Variants in UST observed in about 807,000 individuals in gnomAD.
UST encodes the protein chondroitin sulfate 2-O-sulfotransferase.
Under a neutral mutation model 45.6 loss-of-function variants are expected in UST, and 21 were observed. That is an observed-to-expected ratio of 0.46 (90% confidence interval 0.33 to 0.66). The LOEUF is 0.66. Ranked by LOEUF, UST falls within the 30% of genes least tolerant of loss-of-function variation. The pLI, the probability that UST is intolerant of heterozygous loss-of-function variation, is 0.02. For missense variants in UST, 463 were observed against 512.4 expected (o/e 0.90, Z 0.93); for synonymous variants, 215 against 200.6 (o/e 1.07, Z -0.61).
chr6:148,994,930 T>G (rs941912125), intron 5 of UST, among the ~76,000 whole-genome samples: 4 of 152,202 alleles, frequency 2.6e-5, no homozygotes, highest in African/African-American at 9.7e-5. Context: ...ACCCCTTACC[T>G]CTGCAGAATG....
intron 5 of UST, among the ~76,000 whole-genome samples, chr6:148,994,170 C>T (rs1781406205): frequency 6.6e-6 from 1 of 151,836 alleles, no homozygotes; most frequent in Non-Finnish European, 1.5e-5. Context: ...CAAGGTTTTG[C>T]CATGTTGGCC....
chr6:148,842,889 A>G (rs1225692754), intron 1 of UST, among the ~76,000 whole-genome samples: 1 of 152,174 alleles, frequency 6.6e-6, no homozygotes, highest in Non-Finnish European at 1.5e-5. Context: ...CGCGGTGATG[A>G]CATACTCTGT....
chr6:148,788,962 A>G (rs939406635), intron 1 of UST, among the ~76,000 whole-genome samples: 1 of 152,164 alleles, frequency 6.6e-6, no homozygotes, highest in Non-Finnish European at 1.5e-5. Context: ...TGTGGTATTT[A>G]TGTTGTAAAT....
intron 5 of UST, among the ~76,000 whole-genome samples, chr6:149,014,368 G>T (rs1204192283): frequency 6.6e-6 from 1 of 152,242 alleles, no homozygotes; most frequent in Non-Finnish European, 1.5e-5. Context: ...CACTCCCAAT[G>T]TTGGGAGCAG....
chr6:148,780,231 G>A (rs891251565), intron 1 of UST, among the ~76,000 whole-genome samples: 4 of 151,932 alleles, frequency 2.6e-5, no homozygotes, highest in South Asian at 2.1e-4. Context: ...TGGAAGATTC[G>A]TGGCAAACTG....
At chr6:148,884,834 A>G (rs1199357851) in intron 1 of UST, among the ~76,000 whole-genome samples, 3 of 152,318 alleles carry the variant, frequency 2.0e-5, no homozygotes, top group African/African-American at 7.2e-5. Context: ...TTTGAAAGCC[A>G]AGCCAATAGG....
At chr6:148,766,221 G>A (rs187823857) in intron 1 of UST, among the ~76,000 whole-genome samples, 2 of 152,236 alleles carry the variant, frequency 1.3e-5, no homozygotes, top group African/African-American at 4.8e-5. Context: ...CACCTTGTCA[G>A]AATGATAGTT....
intron 2 of UST, among the ~76,000 whole-genome samples, chr6:148,936,573 CTTTTTTTTTTTTT>C (rs138494669): frequency 0.14 from 11,701 of 85,480 alleles, 606 homozygotes; most frequent in Middle Eastern, 0.22. Flanking sequence ...AAAATCAGTC[CTTTTTTTTTTTTT>C]TTTTTTTTTT....
In UST at chr6:148,897,370, G is replaced by A. The variant is rs191755368; in HGVS notation, c.291+10341G>A. ...TTCAGTAGAGATGGGGTTTCACCATGTTGGCCAGGCTGGTCTCAAACTCCT... is the reference window on the plus strand; with the variant it reads ...TTCAGTAGAGATGGGGTTTCACCATATTGGCCAGGCTGGTCTCAAACTCCT... On this transcript the variant is annotated intron_variant, in intron 2 of 7. Coordinates refer to ENST00000367463, the MANE Select transcript of UST (RefSeq NM_005715.3). Among the ~76,000 whole-genome samples the A allele has an allele frequency of 6.8e-4, 104 of 151,968 alleles. No individual in the cohort carries two copies. The East Asian group carries it at 0.013, about 20-fold the overall frequency.
At chr6:148,970,802 T>G (rs1264797623) in intron 5 of UST, among the ~76,000 whole-genome samples, 1 of 152,170 alleles carries the variant, frequency 6.6e-6, no homozygotes, top group Admixed American at 6.5e-5. Context: ...GCCCCTCTTA[T>G]GCTTCACACC....
intron 2 of UST, among the ~76,000 whole-genome samples, chr6:148,917,163 T>G (rs1779605825): frequency 6.6e-6 from 1 of 152,182 alleles, no homozygotes; most frequent in African/African-American, 2.4e-5. Context: ...AAAGGCTGCT[T>G]AGGGCAGCAG....
chr6:148,923,882 G>C (rs1266736166), intron 2 of UST, among the ~76,000 whole-genome samples: 1 of 152,176 alleles, frequency 6.6e-6, no homozygotes, highest in Non-Finnish European at 1.5e-5. Context: ...GCTGGGCTGA[G>C]GGCTCTGACA....
At chr6:149,063,903 A>G (rs1028512612) in intron 7 of UST, among the ~76,000 whole-genome samples, 4 of 152,210 alleles carry the variant, frequency 2.6e-5, no homozygotes, top group African/African-American at 9.7e-5. Context: ...AATCTAGAGA[A>G]AATTTTTTAG....
chr6:148,812,754 T>A (rs1777282832), intron 1 of UST, among the ~76,000 whole-genome samples: 1 of 152,220 alleles, frequency 6.6e-6, no homozygotes, highest in Non-Finnish European at 1.5e-5. Context: ...AACCTAATCT[T>A]GGAAGTAATA....
chr6:148,868,131 C>T (rs1778480457), intron 1 of UST, among the ~76,000 whole-genome samples: 1 of 152,018 alleles, frequency 6.6e-6, no homozygotes, highest in Non-Finnish European at 1.5e-5. Flanking sequence ...AAAGCTCTGT[C>T]TTCTGATGAG....
chr6:148,761,592 A>C (rs1191964568), intron 1 of UST, among the ~76,000 whole-genome samples: 1 of 151,916 alleles, frequency 6.6e-6, no homozygotes, highest in African/African-American at 2.4e-5. Flanking sequence ...TTTTTACCAC[A>C]GTGGGGAAGA....
At chr6:148,827,461 A>G (rs1397099874) in intron 1 of UST, among the ~76,000 whole-genome samples, 3 of 152,096 alleles carry the variant, frequency 2.0e-5, no homozygotes, top group African/African-American at 7.2e-5. Flanking sequence ...TCTACTAAAA[A>G]TACAAAGATT....
chr6:149,000,706 A>G (rs142705754), intron 5 of UST, among the ~76,000 whole-genome samples: 189 of 152,328 alleles, frequency 1.2e-3, no homozygotes, highest in African/African-American at 4.4e-3. Context: ...AAAAGAATGA[A>G]TAGCTTCCAT....
chr6:148,955,850 G>C (rs1287742997), intron 4 of UST: 1 of 152,190 alleles, frequency 6.6e-6, no homozygotes. Flanking sequence ...AAATATTTAT[G>C]TCTGAACAGT....
Sources: allele counts gnomAD v4.1 joint callset (sites outside exome capture counted in the v4.1 genomes callset), GRCh38; gene constraint gnomAD v4.1.1; transcripts MANE v1.5; gene names NCBI Gene and HGNC (gene_info 2026-07-23, HGNC 2026-07-21).